ARSK: variants seen among roughly 807,000 people sequenced by gnomAD.
ARSK encodes the protein arylsulfatase K.
ARSK carries 37 observed loss-of-function variants against 53.2 expected under a neutral mutation model. The ratio of observed to expected loss-of-function variants is 0.70; its 90% CI spans 0.54 to 0.92. ARSK has a LOEUF of 0.92. Ranked by LOEUF, ARSK falls within the 40% of genes least tolerant of loss-of-function variation. ARSK has a pLI of 0.00. For synonymous variants in ARSK, 208 were observed against 223.2 expected, an observed-to-expected ratio of 0.93 and a Z score of 0.61; for missense variants, 613 against 643.0, an observed-to-expected ratio of 0.95 and a Z score of 0.51.
chr5:95,584,967 G>A lies in ARSK; in HGVS notation c.700-1595G>A, dbSNP rs572828850. Among the ~76,000 whole-genome samples, 7 of 152,224 alleles carry A rather than the reference G, an allele frequency of 4.6e-5. 1 individual carries two copies. In the South Asian group the frequency reaches 1.0e-3, roughly 23 times the overall value. ...GGAGGTTACAGTGAACCGAGATTGC[G>A]TCATTGCACCCCAGCCTGGGCAACA... On this transcript the variant is annotated intron_variant, in intron 4 of 7. Coordinates refer to ENST00000380009, the MANE Select transcript of ARSK (RefSeq NM_198150.3).
Position 95,555,201 on chromosome 5 carries a change from C to T in ARSK, c.-78C>T, listed in dbSNP as rs1047988472. On this transcript the variant is annotated 5_prime_UTR_variant, in exon 1 of 8. Transcript: ENST00000380009. The surrounding 1 kb of genome is among the most constrained non-coding windows in gnomAD (Gnocchi z 4.0). ...AAGCTTTGGGAGTTGTTCGCTGTCCCTGCCCTGCTCTGCTAGGGAGAGAAC... is the reference window on the plus strand; with the variant it reads ...AAGCTTTGGGAGTTGTTCGCTGTCCTTGCCCTGCTCTGCTAGGGAGAGAAC... 3 of 1,418,926 alleles carry T rather than the reference C, an allele frequency of 2.1e-6. No homozygotes were observed. The highest frequency in any genetic ancestry group is 2.9e-6 in the Non-Finnish European group (3 of 1,051,010). The allele number at this position is 1,418,926 out of a possible 1,614,324, so 87.9% of individuals were successfully genotyped here.
rs188339828 is a variant in ARSK at position 95,592,784 on chromosome 5, T to G, written c.1096+1159T>G. On this transcript the variant is annotated intron_variant, in intron 6 of 7. Transcript: ENST00000380009. ...GGATGGTCTTGATCCCTTGACCTTGTGATCCGCTTGCCTCGGCCTCCCAAA... is the reference window on the plus strand; with the variant it reads ...GGATGGTCTTGATCCCTTGACCTTGGGATCCGCTTGCCTCGGCCTCCCAAA... Among the ~76,000 whole-genome samples the G allele has an allele frequency of 3.8e-3, 581 of 152,326 alleles. 4 individuals are homozygous for G. The highest frequency in any genetic ancestry group is 6.4e-3 in the South Asian group (31 of 4,824).
At chr5:95,569,704 G>A (rs528702850) in intron 3 of ARSK, among the ~76,000 whole-genome samples, 5 of 152,184 alleles carry the variant, frequency 3.3e-5, no homozygotes, top group Non-Finnish European at 5.9e-5. Context: ...ACAGGTTCCT[G>A]TTGTTTTAAG....
At chr5:95,566,173 A>T (rs1237376042) in intron 2 of ARSK, 46 bp downstream of exon 2, 6 of 1,593,618 alleles carry the variant, frequency 3.8e-6, no homozygotes, top group East Asian at 2.2e-5. Flanking sequence ...CTACACACTG[A>T]AAATATATTC....
In ARSK at chr5:95,603,679, G is replaced by A. The variant is rs1749451378; in HGVS notation, c.*153G>A. On this transcript the variant is annotated 3_prime_UTR_variant, in exon 8 of 8. Transcript: ENST00000380009. The stretch of plus-strand genomic sequence containing the variant: ...AATCCCAGGACTTTGGGAGGCTGAG[G>A]AAAGCAGATCACAAGGTCAAGAGAT... The A allele has an allele frequency of 8.5e-6, 5 of 588,794 alleles. No homozygotes were observed. Among genetic ancestry groups the A allele is most frequent in the Non-Finnish European group, 1.1e-5 (4 of 374,258 alleles). 36.5% of individuals were successfully genotyped at this position (588,794 alleles called of 1,614,324 possible).
chr5:95,572,241 C>A (rs1427263399), intron 3 of ARSK, among the ~76,000 whole-genome samples: 1 of 152,116 alleles, frequency 6.6e-6, no homozygotes, highest in Non-Finnish European at 1.5e-5. Flanking sequence ...TAGTATTACT[C>A]ATAAAAATGC....
At chr5:95,563,510 C>T (rs981375952) in intron 1 of ARSK, among the ~76,000 whole-genome samples, 4 of 152,206 alleles carry the variant, frequency 2.6e-5, no homozygotes, top group Admixed American at 1.3e-4. Context: ...TGACGGCAGT[C>T]GCCCCCTCCC....
chr5:95,564,638 C>T (rs1180589856), intron 1 of ARSK, among the ~76,000 whole-genome samples: 1 of 152,204 alleles, frequency 6.6e-6, no homozygotes, highest in Non-Finnish European at 1.5e-5. Context: ...CCAGCTGTCT[C>T]CATACTGCCA....
At chr5:95,581,725 A>C (rs1420863553) in intron 3 of ARSK, among the ~76,000 whole-genome samples, 1 of 151,602 alleles carries the variant, frequency 6.6e-6, no homozygotes, top group Non-Finnish European at 1.5e-5. Context: ...ATAGTCACAT[A>C]TAGTAAGAGT....
intron 1 of ARSK, among the ~76,000 whole-genome samples, chr5:95,563,020 C>G (rs190738265): frequency 6.6e-6 from 1 of 152,274 alleles, no homozygotes; most frequent in East Asian, 1.9e-4. Flanking sequence ...TGTTAAGATG[C>G]CTTTCAGTTC....
At chr5:95,564,143 A>G (rs1748684530) in intron 1 of ARSK, among the ~76,000 whole-genome samples, 2 of 151,752 alleles carry the variant, frequency 1.3e-5, no homozygotes, top group South Asian at 4.2e-4. Flanking sequence ...ACGCCTAGCT[A>G]ATTTTTGTAT....
chr5:95,580,142 C>T (rs1286881525), intron 3 of ARSK, among the ~76,000 whole-genome samples: 1 of 152,100 alleles, frequency 6.6e-6, no homozygotes, highest in Non-Finnish European at 1.5e-5. Flanking sequence ...AATATCTGAG[C>T]CACAGGTAGT....
At chr5:95,568,510 G>A (rs1438956596) in intron 3 of ARSK, among the ~76,000 whole-genome samples, 1 of 152,082 alleles carries the variant, frequency 6.6e-6, no homozygotes. Context: ...TCAAGAATCA[G>A]ATTGCCTGCT....
In ARSK at chr5:95,591,207, C is replaced by A. The variant is rs77355488; in HGVS notation, c.872-194C>A. 0.013 allele frequency among the ~76,000 whole-genome samples: 1,904 copies of A among 152,160 alleles called. 44 individuals carry two copies. Among genetic ancestry groups the A allele is most frequent in the African/African-American group, 0.044 (1,819 of 41,498 alleles). ...CCATGGGTATTATATTTTCTTCTTC[C>A]TCTAGTCAGCTGAAGAGCAAGCAGT... On this transcript the variant is annotated intron_variant, in intron 5 of 7. Coordinates refer to ENST00000380009, the MANE Select transcript of ARSK (RefSeq NM_198150.3).
intron 4 of ARSK, among the ~76,000 whole-genome samples, chr5:95,583,711 T>TA (rs1167007773): frequency 6.6e-6 from 1 of 152,180 alleles, no homozygotes; most frequent in African/African-American, 2.4e-5. Context: ...TTTTTTTGGT[T>TA]AAAAAACTTG....
At chr5:95,556,076 A>G (rs1014608097) in intron 1 of ARSK, 3 of 627,674 alleles carry the variant, frequency 4.8e-6, no homozygotes, top group Non-Finnish European at 8.6e-6. Flanking sequence ...CTGCTTAGAC[A>G]ATTGTTTGGT....
chr5:95,571,328 A>T (rs1350511657), intron 3 of ARSK, among the ~76,000 whole-genome samples: 3 of 152,228 alleles, frequency 2.0e-5, no homozygotes, highest in Non-Finnish European at 4.4e-5. Flanking sequence ...TGCAGAGCAA[A>T]GACCTTATCT....
At chr5:95,562,221 A>T (rs1188706787) in intron 1 of ARSK, among the ~76,000 whole-genome samples, 1 of 136,038 alleles carries the variant, frequency 7.4e-6, no homozygotes, top group Non-Finnish European at 1.5e-5. Context: ...AAAAAAAATA[A>T]ATAAAAATTT....
intron 3 of ARSK, among the ~76,000 whole-genome samples, chr5:95,579,191 TAC>T (rs1175270910): frequency 6.6e-6 from 1 of 152,196 alleles, no homozygotes; most frequent in Non-Finnish European, 1.5e-5. Context: ...AACCTTAATA[TAC>T]ACACAAATGA....
Sources: gnomAD v4.1 joint callset for allele counts (sites outside exome capture counted in the v4.1 genomes callset) on GRCh38, gnomAD v4.1.1 for gene constraint, Gnocchi (gnomAD v3.1) non-coding constraint, MANE v1.5 for transcripts, NCBI Gene and HGNC (gene_info 2026-07-23, HGNC 2026-07-21) for gene names.